The following OR52N4 variants were observed in gnomAD, a reference collection of about 807,000 sequenced individuals.
The protein encoded by OR52N4 is olfactory receptor 52N4.
Under a neutral mutation model 15.0 loss-of-function variants are expected in OR52N4, and 15 were observed. The observed-to-expected ratio is 1.00, with a 90% CI of 0.67 to 1.54. OR52N4 has a LOEUF of 1.54. Among genes scored for constraint, OR52N4 ranks in the 40% most tolerant of loss-of-function variants. The pLI is 0.00. For synonymous variants in OR52N4, 143 were observed against 143.7 expected, an observed-to-expected ratio of 1.00 and a Z score of 0.03; for missense variants, 421 against 394.0, an observed-to-expected ratio of 1.07 and a Z score of -0.58.
rs1488616116 is a variant in OR52N4, at chr11:5,755,570, T to C, written c.830T>C (p.Ile277Thr). 6.2e-7 allele frequency: 1 copy of C among 1,613,882 alleles called. No homozygotes were observed. The highest frequency in any genetic ancestry group is 1.1e-5 in the South Asian group (1 of 91,058). The part of the protein sequence containing the change: ...GEHIIPPSCH[I>T]IVANIYLLLP... ...CACATAATCCCCCCTTCTTGCCACA[T>C]CATTGTAGCCAATATTTATCTGCTC... Residue 277 changes from isoleucine to threonine, a missense_variant, in exon 2 of 2, where the codon ATC (isoleucine) becomes ACC (threonine). Coordinates refer to ENST00000641350, the MANE Select transcript of OR52N4 (RefSeq NM_001005175.5).
chr11:5,748,522 A>G, the OR52N4 span, among the ~76,000 whole-genome samples: 1 of 151,804 alleles, frequency 6.6e-6, no homozygotes, highest in South Asian at 2.1e-4. Context: ...ATTTTAGAAC[A>G]CCCAACTATT....
At chr11:5,734,167 G>A in the OR52N4 span, 1 of 456,298 alleles carries the variant, frequency 2.2e-6, no homozygotes, top group African/African-American at 2.0e-5. Context: ...ATAAAGTTCT[G>A]TCTTTGCCCA....
In OR52N4 at chr11:5,755,435, C is replaced by T; in HGVS notation, c.695C>T (p.Ser232Leu). The change falls in exon 2 of 2, where the codon TCA becomes TTA. Residue 232 changes from serine to leucine, a missense_variant. Physicochemically the swap from Ser to Leu is moderately radical, Grantham distance 145. Transcript: ENST00000641350. Reference sequence around the variant, plus strand: ...CTCCGGGCAGTGGTCAGCCTCTCCTCAGCAGATGCTCGGCAGAAGGCCTTT... The same window carrying T: ...CTCCGGGCAGTGGTCAGCCTCTCCTTAGCAGATGCTCGGCAGAAGGCCTTT... ...MILRAVVSLSSADARQKAFNT... is the reference protein window; with the variant it reads ...MILRAVVSLSLADARQKAFNT... 1 of 1,614,110 alleles carries T rather than the reference C, an allele frequency of 6.2e-7. No homozygotes were observed. Among genetic ancestry groups the T allele is most frequent in the Non-Finnish European group, 8.5e-7 (1 of 1,179,992 alleles).
the OR52N4 span, chr11:5,737,555 A>T: frequency 2.4e-5 from 34 of 1,423,288 alleles, no homozygotes; most frequent in Middle Eastern, 1.9e-4. Flanking sequence ...AATTTCAAAG[A>T]GGATAAATGA....
chr11:5,734,302 A>G, the OR52N4 span: 2 of 428,564 alleles, frequency 4.7e-6, no homozygotes, highest in African/African-American at 4.1e-5. Flanking sequence ...CTTATCCTAA[A>G]CATTATGTTG....
At chr11:5,728,857 G>A in the OR52N4 span, among the ~76,000 whole-genome samples, 1 of 152,108 alleles carries the variant, frequency 6.6e-6, no homozygotes, top group African/African-American at 2.4e-5. Flanking sequence ...TAGTATATGG[G>A]CTGTCACTGG....
rs1206646741 is a variant in OR52N4 at position 5,754,816 on chromosome 11, C to T, written c.76C>T (p.Gln26Ter). Residue 26 changes from glutamine to a stop codon, truncating the protein, a stop_gained, in exon 2 of 2, where the codon CAA becomes TAA. Coordinates refer to ENST00000641350, the MANE Select transcript of OR52N4 (RefSeq NM_001005175.5). LOFTEE classifies it high-confidence loss of function. The part of the protein sequence containing the change: ...LNGVPGLEDT[Q>*]LWISFPFCSM... ...TGGAGTCCCAGGACTGGAAGACACACAACTCTGGATTTCCTTCCCATTCTG... is the reference window on the plus strand; with the variant it reads ...TGGAGTCCCAGGACTGGAAGACACATAACTCTGGATTTCCTTCCCATTCTG... 2.5e-6 allele frequency: 4 copies of T among 1,613,716 alleles called. No homozygotes were observed. Among genetic ancestry groups the T allele is most frequent in the Non-Finnish European group, 3.4e-6 (4 of 1,179,752 alleles).
the OR52N4 span, among the ~76,000 whole-genome samples, chr11:5,729,622 T>C: frequency 6.6e-6 from 1 of 152,238 alleles, no homozygotes; most frequent in South Asian, 2.1e-4. Context: ...AATATACTTA[T>C]AAGCACTGCT....
At chr11:5,747,310 A>AT in the OR52N4 span, among the ~76,000 whole-genome samples, 1 of 151,914 alleles carries the variant, frequency 6.6e-6, no homozygotes, top group Non-Finnish European at 1.5e-5. Flanking sequence ...ATCTAAAAAA[A>AT]TAAATAAAAT....
rs1854266815 is a variant in OR52N4, at chr11:5,754,901, A to G, written c.161A>G (p.Glu54Gly). The change falls in exon 2 of 2, where the codon GAG becomes GGG. Residue 54 changes from glutamate to glycine, a missense_variant. Coordinates refer to ENST00000641350, the MANE Select transcript of OR52N4 (RefSeq NM_001005175.5). ...GGACTCCTCTACCTCATTCACTATG[A>G]GGATGCCCTGCACAAACCCATGTAC... ...NCGLLYLIHY[E>G]DALHKPMYYF... 1 of 1,613,666 alleles carries G rather than the reference A, an allele frequency of 6.2e-7. No homozygotes were observed. Among genetic ancestry groups the G allele is most frequent in the Non-Finnish European group, 8.5e-7 (1 of 1,179,810 alleles).
At chr11:5,737,064 T>A in the OR52N4 span, 2 of 1,614,000 alleles carry the variant, frequency 1.2e-6, no homozygotes, top group African/African-American at 2.7e-5. Flanking sequence ...AAGAATGAAA[T>A]TGAACACTGC....
At chr11:5,729,114 ATTTTT>A in the OR52N4 span, among the ~76,000 whole-genome samples, 21 of 82,916 alleles carry the variant, frequency 2.5e-4, no homozygotes, top group Admixed American at 7.0e-4. Flanking sequence ...TTAAATTGAG[ATTTTT>A]TTTTTTTTTT....
At chr11:5,747,869 G>C in the OR52N4 span, among the ~76,000 whole-genome samples, 1 of 152,010 alleles carries the variant, frequency 6.6e-6, no homozygotes, top group African/African-American at 2.4e-5. Context: ...TACTAAGGTA[G>C]CATAGTTAAA....
At chr11:5,746,911 G>A in the OR52N4 span, among the ~76,000 whole-genome samples, 1 of 151,904 alleles carries the variant, frequency 6.6e-6, no homozygotes, top group African/African-American at 2.4e-5. Context: ...CAGACTAAAT[G>A]TACATCAATG....
At chr11:5,730,995 T>C in the OR52N4 span, among the ~76,000 whole-genome samples, 1 of 152,160 alleles carries the variant, frequency 6.6e-6, no homozygotes, top group South Asian at 2.1e-4. Flanking sequence ...TATTAGTATT[T>C]GGAATCTGTT....
chr11:5,748,185 CATG>C, the OR52N4 span, among the ~76,000 whole-genome samples: 2 of 151,796 alleles, frequency 1.3e-5, no homozygotes, highest in Non-Finnish European at 2.9e-5. Context: ...TATAATGCAA[CATG>C]ATGATTTTTG....
chr11:5,751,534 C>T (rs1259630579), upstream of OR52N4, among the ~76,000 whole-genome samples: 1 of 151,912 alleles, frequency 6.6e-6, no homozygotes, highest in Non-Finnish European at 1.5e-5. Flanking sequence ...TTTGCCATTA[C>T]TTTTAATGGT....
At chr11:5,750,132 T>C (rs1435079878), upstream of OR52N4, among the ~76,000 whole-genome samples, 1 of 151,952 alleles carries the variant, frequency 6.6e-6, no homozygotes, top group Non-Finnish European at 1.5e-5. Context: ...AGTATTTAGA[T>C]ACAAGTGTGC....
At chr11:5,737,247 C>T in the OR52N4 span, 12 of 1,614,126 alleles carry the variant, frequency 7.4e-6, no homozygotes, top group South Asian at 1.1e-4. Flanking sequence ...GAAGCTGCAG[C>T]CAAGGCCCTG....
Sources: gnomAD v4.1 joint callset for allele counts (sites outside exome capture counted in the v4.1 genomes callset) on GRCh38, gnomAD v4.1.1 for gene constraint, MANE v1.5 for transcripts, NCBI Gene and HGNC (gene_info 2026-07-23, HGNC 2026-07-21) for gene names.